The following PLEKHG7 variants were observed in gnomAD, a reference collection of about 807,000 sequenced individuals.
The protein encoded by PLEKHG7 is pleckstrin homology and RhoGEF domain containing G7.
PLEKHG7 carries 77 observed loss-of-function variants against 85.2 expected under a neutral mutation model. The observed-to-expected ratio is 0.90, with a 90% confidence interval of 0.75 to 1.09. The LOEUF (loss-of-function observed/expected upper bound fraction) is 1.09, where lower values mean the gene tolerates loss of function less well. PLEKHG7 is among the 50% of genes least tolerant of loss of function. PLEKHG7 has a pLI of 0.00. For missense variants in PLEKHG7, 777 were observed against 804.3 expected, an observed-to-expected ratio of 0.97 and a Z score of 0.41; for synonymous variants, 301 against 302.4, an observed-to-expected ratio of 1.00 and a Z score of 0.05.
chr12:92,733,062 G>A (rs1284979440), intron 5 of PLEKHG7, among the ~76,000 whole-genome samples: 1 of 152,182 alleles, frequency 6.6e-6, no homozygotes, highest in African/African-American at 2.4e-5. Flanking sequence ...GGCATCAGTT[G>A]CTGACATCTG....
Position 92,718,882 on chromosome 12 carries a change from C to T in PLEKHG7, c.531-10111C>T, listed in dbSNP as rs536358144. Among the ~76,000 whole-genome samples the T allele has an allele frequency of 1.9e-4, 29 of 152,274 alleles. No homozygotes were observed. In the Middle Eastern group the frequency reaches 0.01, roughly 54 times the overall value. On this transcript the variant is annotated intron_variant, in intron 3 of 16. Coordinates refer to ENST00000344636, the MANE Select transcript of PLEKHG7 (RefSeq NM_001377329.1). ...AATATTACTGATTTGACCCCACAGC[C>T]ACAGTACATGGCATTTCTCACACAT...
At chr12:92,756,062 C>T in intron 12 of PLEKHG7, 122 bp downstream of exon 12, 1 of 774,118 alleles carries the variant, frequency 1.3e-6, no homozygotes, top group Non-Finnish European at 2.1e-6. Context: ...GTTTCATGAA[C>T]AAGAAGTAAA....
intron 7 of PLEKHG7, among the ~76,000 whole-genome samples, chr12:92,738,554 T>A (rs1872251044): frequency 6.6e-6 from 1 of 152,230 alleles, no homozygotes; most frequent in Admixed American, 6.5e-5. Context: ...TATATAGTTT[T>A]TGTTGCAACC....
At position 92,769,005 on chromosome 12, in the gene PLEKHG7, T is replaced by C; in HGVS notation, c.1893T>C (p.Phe631=). 1 of 1,599,478 alleles carries C rather than the reference T, an allele frequency of 6.3e-7. No individual in the cohort carries two copies. The highest frequency in any genetic ancestry group is 8.5e-7 in the Non-Finnish European group (1 of 1,169,632). ...HVSVFGLRNA[F]LIQHENRYRQ... ...TAGTCTTTGGGCTGAGAAATGCTTTTCTTATACAACACGAAAACAGATATC... is the reference window on the plus strand; with the variant it reads ...TAGTCTTTGGGCTGAGAAATGCTTTCCTTATACAACACGAAAACAGATATC... Residue 631 remains phenylalanine (F), a synonymous_variant, in exon 16 of 17, where the codon TTT becomes TTC. Transcript: ENST00000344636.
chr12:92,713,130 A>G (rs1015421401), intron 3 of PLEKHG7, among the ~76,000 whole-genome samples: 1 of 152,332 alleles, frequency 6.6e-6, no homozygotes, highest in East Asian at 1.9e-4. Flanking sequence ...CTGCATATCA[A>G]AAAAAGATTC....
At chr12:92,743,697 C>A (rs985583171) in intron 9 of PLEKHG7, among the ~76,000 whole-genome samples, 2 of 152,048 alleles carry the variant, frequency 1.3e-5, no homozygotes, top group African/African-American at 4.8e-5. Flanking sequence ...GTAGCTGGGA[C>A]CAGAGGTGTG....
chr12:92,753,316 G>A (rs555751130), intron 10 of PLEKHG7, among the ~76,000 whole-genome samples: 5 of 152,018 alleles, frequency 3.3e-5, no homozygotes, highest in African/African-American at 1.2e-4. Context: ...AGCCCCTTAC[G>A]TTCAAGGAAG....
At chr12:92,719,424 G>T (rs904921403) in intron 3 of PLEKHG7, among the ~76,000 whole-genome samples, 4 of 152,142 alleles carry the variant, frequency 2.6e-5, no homozygotes, top group African/African-American at 9.7e-5. Context: ...CTGAAAAGCT[G>T]CCTGCTGAAA....
At chr12:92,744,728 C>G (rs1016398291) in intron 9 of PLEKHG7, among the ~76,000 whole-genome samples, 5 of 150,864 alleles carry the variant, frequency 3.3e-5, no homozygotes, top group African/African-American at 1.2e-4. Context: ...TGCAATGGCG[C>G]GATCTCAGCT....
At position 92,756,299 on chromosome 12, in the gene PLEKHG7, G is replaced by A. The variant is rs1466711401; in HGVS notation, c.1544G>A (p.Cys515Tyr). The A allele has an allele frequency of 6.2e-7, 1 of 1,604,012 alleles. No homozygotes were observed. The highest frequency in any genetic ancestry group is 1.3e-5 in the African/African-American group (1 of 74,798). Residue 515 changes from cysteine to tyrosine, a missense_variant and splice_region_variant, in exon 13 of 17, where the codon TGT (cysteine) becomes TAT (tyrosine). This residue lies in a region of PLEKHG7 where 520 missense variants were observed against 544.0 expected (regional missense o/e 0.96). Transcript: ENST00000344636. ...DRDKRFFIPE[C>Y]LKHIFKEHMA... ...TTATTTTCTCGCTTGTTTTACAAGTGTTTGAAACACATTTTTAAAGAACAC... is the reference window on the plus strand; with the variant it reads ...TTATTTTCTCGCTTGTTTTACAAGTATTTGAAACACATTTTTAAAGAACAC...
chr12:92,722,666 G>A (rs1871680778), intron 3 of PLEKHG7, among the ~76,000 whole-genome samples: 1 of 152,158 alleles, frequency 6.6e-6, no homozygotes, highest in African/African-American at 2.4e-5. Flanking sequence ...AAATGGATGT[G>A]GGTAACGTAA....
Position 92,756,441 on chromosome 12 carries a change from C to A in PLEKHG7, c.1636+50C>A. The A allele has an allele frequency of 2.2e-6, 3 of 1,368,714 alleles. No homozygotes were observed. The South Asian group carries it at 3.5e-5, about 16-fold the overall frequency. The allele number at this position is 1,368,714 out of a possible 1,614,324, so 84.8% of individuals were successfully genotyped here. A position where few individuals can be genotyped will look rare whatever the true frequency, so the allele number is the denominator to read the frequency against. ...ACCCAACATCTGTGCCGCCTTGTAA[C>A]TTGTTTGACTGCCAGTAATTGAAGA... is the stretch of plus-strand genomic sequence containing the variant. On this transcript the variant is annotated intron_variant, in intron 13 of 16. Coordinates refer to ENST00000344636, the MANE Select transcript of PLEKHG7 (RefSeq NM_001377329.1).
At chr12:92,752,720 G>A (rs1161619388) in intron 10 of PLEKHG7, among the ~76,000 whole-genome samples, 4 of 152,192 alleles carry the variant, frequency 2.6e-5, no homozygotes, top group African/African-American at 7.2e-5. Flanking sequence ...GAAATATTTA[G>A]TGTAAAGGCA....
At chr12:92,764,016 G>T in intron 14 of PLEKHG7, 25 bp from the exon 15 acceptor site, 1 of 1,586,218 alleles carries the variant, frequency 6.3e-7, no homozygotes, top group Non-Finnish European at 8.6e-7. Context: ...CTTGTTTATT[G>T]CATTATTTTT....
At chr12:92,764,220 C>A in intron 15 of PLEKHG7, 26 bp downstream of exon 15, 1 of 1,570,148 alleles carries the variant, frequency 6.4e-7, no homozygotes, top group Non-Finnish European at 8.7e-7. Flanking sequence ...CATTATTCAG[C>A]TCATCTGTTT....
chr12:92,745,664 A>G (rs1460503418), intron 10 of PLEKHG7, 73 bp downstream of exon 10: 10 of 949,120 alleles, frequency 1.1e-5, no homozygotes, highest in Non-Finnish European at 1.3e-5. Context: ...GGGAATGATT[A>G]TATCTAAATT....
rs143535222 is a variant in PLEKHG7 at position 92,731,128 on chromosome 12, C to T, written c.659-1105C>T. Among the ~76,000 whole-genome samples the T allele has an allele frequency of 5.9e-3, 905 of 152,286 alleles. 13 individuals carry two copies. Among genetic ancestry groups the T allele is most frequent in the African/African-American group, 0.02 (838 of 41,560 alleles). ...ACAAAGCTTTCCCAAGGCTCCAAAG[C>T]TAGAAAAGCACAGGAGAGAAATTGG... On this transcript the variant is annotated intron_variant, in intron 4 of 16. Coordinates refer to ENST00000344636, the MANE Select transcript of PLEKHG7 (RefSeq NM_001377329.1).
chr12:92,765,428 G>A (rs950372919), intron 15 of PLEKHG7, among the ~76,000 whole-genome samples: 3 of 152,042 alleles, frequency 2.0e-5, no homozygotes, highest in South Asian at 2.1e-4. Flanking sequence ...TCGGGAGCTC[G>A]AGACCAGCCT....
At chr12:92,747,503 G>A (rs780316539) in intron 10 of PLEKHG7, among the ~76,000 whole-genome samples, 6 of 152,152 alleles carry the variant, frequency 3.9e-5, no homozygotes, top group Non-Finnish European at 4.4e-5. Context: ...CAAAATGGAG[G>A]TTTCTCAGAA....
Sources: gnomAD v4.1 joint callset for allele counts (sites outside exome capture counted in the v4.1 genomes callset) on GRCh38, gnomAD v4.1.1 for gene constraint, gnomAD v4.1.1 regional missense constraint, MANE v1.5 for transcripts, NCBI Gene and HGNC (gene_info 2026-07-23, HGNC 2026-07-21) for gene names.